Variants in SLC8B1 observed in about 807,000 individuals in gnomAD.
SLC8B1 encodes the protein mitochondrial sodium/calcium exchanger protein.
In SLC8B1, 52 loss-of-function variants were observed where a neutral mutation model predicts 63.4. The observed-to-expected ratio is 0.82, with a 90% CI of 0.66 to 1.03. The LOEUF is 1.03. SLC8B1 is among the 50% of genes least tolerant of loss of function. The probability of loss-of-function intolerance (pLI) is 0.00; values close to 1 mark genes in which losing one functional copy is unlikely to be tolerated. For missense variants in SLC8B1, 657 were observed against 741.7 expected (o/e 0.89, Z 1.33); for synonymous variants, 336 against 323.9 (o/e 1.04, Z -0.40).
chr12:113,332,963 G>A lies in SLC8B1; in HGVS notation c.-82-3C>T, dbSNP rs1957077511. The A allele has an allele frequency of 2.0e-6, 3 of 1,531,954 alleles. No individual in the cohort carries two copies. Among genetic ancestry groups the A allele is most frequent in the Non-Finnish European group, 2.6e-6 (3 of 1,135,274 alleles). 94.9% of individuals were successfully genotyped at this position (1,531,954 alleles called of 1,614,324 possible). On this transcript the variant is annotated splice_polypyrimidine_tract_variant and splice_region_variant and intron_variant, in intron 1 of 15. Coordinates refer to ENST00000680972, the MANE Select transcript of SLC8B1 (RefSeq NM_001358345.2). ...AAACAGCTGGCGGCTCCGGTGGCCT[G>A]CAAGGTGGGAGTGAGAAAGGGGGAC...
In SLC8B1 at chr12:113,318,976, G is replaced by A. The variant is rs1254192033; in HGVS notation, c.790C>T (p.Pro264Ser). ...QRRGSLFCPM[P>S]VTPEILSDSE... ...TGCAGACTCTTACCTGGAGTAACTG[G>A]CATGGGGCAGAACAGAGATCCTCTC... Residue 264 changes from proline to serine, a missense_variant, in exon 8 of 16, where the codon CCA becomes TCA. Transcript: ENST00000680972. The A allele has an allele frequency of 6.2e-7, 1 of 1,613,826 alleles. No homozygotes were observed.
At chr12:113,310,197 C>T (rs1446077048) in intron 12 of SLC8B1, 37 bp downstream of exon 12, 31 of 1,603,716 alleles carry the variant, frequency 1.9e-5, no homozygotes, top group Non-Finnish European at 2.6e-5. Flanking sequence ...ACATCAGCAT[C>T]CCTCCCCCCC....
At position 113,307,162 on chromosome 12, in the gene SLC8B1, C is replaced by CAGT. The variant is rs1294240419; in HGVS notation, c.1411+528_1411+529insACT. On this transcript the variant is annotated intron_variant, in intron 13 of 15. Coordinates refer to ENST00000680972, the MANE Select transcript of SLC8B1 (RefSeq NM_001358345.2). ...AAAAAAAAAAAAAAACTACGGCTAC[C>CAGT]AATTTTTCAAAGTCTCATCTGCTGG... 5.8e-5 allele frequency among the ~76,000 whole-genome samples: 7 copies of CAGT among 121,210 alleles called. No individual in the cohort carries two copies. The East Asian group carries it at 1.9e-3, about 33-fold the overall frequency. The allele number at this position is 121,210 out of a possible 152,430, so 79.5% of individuals were successfully genotyped here.
chr12:113,326,370 T>C (rs1445272708), intron 2 of SLC8B1, among the ~76,000 whole-genome samples: 1 of 152,164 alleles, frequency 6.6e-6, no homozygotes, highest in Non-Finnish European at 1.5e-5. Context: ...TTCTTTTTTA[T>C]TTACTTATTT....
At chr12:113,329,815 C>T (rs571187435) in intron 2 of SLC8B1, among the ~76,000 whole-genome samples, 4 of 152,314 alleles carry the variant, frequency 2.6e-5, no homozygotes, top group African/African-American at 9.6e-5. Context: ...TCCTCTTGTG[C>T]TCTAAAGCCT....
chr12:113,332,618 C>A (rs1957070862), intron 2 of SLC8B1, 105 bp downstream of exon 2: 1 of 1,346,636 alleles, frequency 7.4e-7, no homozygotes. Flanking sequence ...CCCGGTATAT[C>A]CCAGGCTGCG....
At position 113,299,963 on chromosome 12, in the gene SLC8B1, G is replaced by C. The variant is rs748511708; in HGVS notation, c.1569C>G (p.Asp523Glu). Residue 523 changes from aspartate (D) to glutamate (E), a missense_variant, in exon 16 of 16, where the codon GAC becomes GAG. Physicochemically the swap from Asp to Glu is conservative, Grantham distance 45 (BLOSUM62 2). Coordinates refer to ENST00000680972, the MANE Select transcript of SLC8B1 (RefSeq NM_001358345.2). ...RSHTEVKLEP[D>E]GLLVWVLAGA... Reference sequence around the variant, plus strand: ...CTGCCAGGACCCACACCAGCAGTCCGTCTGGCTCCAGCTGTGGAAGAATGA... The same window carrying C: ...CTGCCAGGACCCACACCAGCAGTCCCTCTGGCTCCAGCTGTGGAAGAATGA... 6.2e-7 allele frequency: 1 copy of C among 1,613,180 alleles called. No homozygotes were observed. Among genetic ancestry groups the C allele is most frequent in the South Asian group, 1.1e-5 (1 of 91,038 alleles).
rs1028350292 is a variant in SLC8B1 at position 113,316,852 on chromosome 12, C to A, written c.862+90G>T. 3.9e-6 allele frequency: 6 copies of A among 1,522,532 alleles called. No individual in the cohort carries two copies. In the African/African-American group the frequency reaches 8.2e-5, roughly 21 times the overall value. The allele number at this position is 1,522,532 out of a possible 1,614,324, so 94.3% of individuals were successfully genotyped here. ...GTGGGGCCGATTTGGAGCCTCATTC[C>A]TGGAGCCCAGGTCTTGGAGGGCCCC... On this transcript the variant is annotated intron_variant, in intron 9 of 15. Transcript: ENST00000680972.
At chr12:113,306,649 C>T (rs2136826981) in intron 13 of SLC8B1, 74 bp from the exon 14 acceptor site, 4 of 1,244,924 alleles carry the variant, frequency 3.2e-6, no homozygotes, top group South Asian at 1.2e-5. Context: ...CGCCTTCATT[C>T]TCACCCACGG....
At chr12:113,327,681 CAAAA>C (rs1190508653) in intron 2 of SLC8B1, among the ~76,000 whole-genome samples, 6 of 104,760 alleles carry the variant, frequency 5.7e-5, no homozygotes, top group Admixed American at 1.1e-4. Flanking sequence ...GACTCTGTCT[CAAAA>C]AAAAAAAAAA....
intron 14 of SLC8B1, among the ~76,000 whole-genome samples, chr12:113,306,066 CAAAAAAAAA>C (rs60824560): frequency 4.4e-4 from 8 of 18,090 alleles, no homozygotes; most frequent in Non-Finnish European, 6.1e-4. Context: ...CCCCACCCTG[CAAAAAAAAA>C]AAAAAAAAAA....
rs749623268 is a variant in SLC8B1 at position 113,299,714 on chromosome 12, C to G, written c.*63G>C. The G allele has an allele frequency of 1.3e-6, 2 of 1,548,752 alleles. No homozygotes were observed. Among genetic ancestry groups the G allele is most frequent in the South Asian group, 1.1e-5 (1 of 89,108 alleles). On this transcript the variant is annotated 3_prime_UTR_variant, in exon 16 of 16. Transcript: ENST00000680972. ...TGCAGAAATGCTCCGGTCCCTGGGC[C>G]TCCCCCGGCAGGAGGGGCGGGGCTC...
At chr12:113,317,061 G>A in intron 8 of SLC8B1, 60 bp from the exon 9 acceptor site, 1 of 1,465,212 alleles carries the variant, frequency 6.8e-7, no homozygotes, top group South Asian at 1.2e-5. Flanking sequence ...GGGCACACTG[G>A]GACAGAGCAG....
In SLC8B1 at chr12:113,299,768, CG is replaced by C. The variant is rs778822366; in HGVS notation, c.*8del. On this transcript the variant is annotated 3_prime_UTR_variant, in exon 16 of 16. Coordinates refer to ENST00000680972, the MANE Select transcript of SLC8B1 (RefSeq NM_001358345.2). ...CCTGCAGTGAGGCCACAGCACTAAG[CG>C]GCTTCAGTCACATGCTTTTCAGGTG... 4.3e-5 allele frequency: 69 copies of C among 1,613,604 alleles called. No individual in the cohort carries two copies. The highest frequency in any genetic ancestry group is 5.8e-5 in the Non-Finnish European group (68 of 1,179,832).
At chr12:113,314,276 A>G (rs1956803640) in intron 11 of SLC8B1, among the ~76,000 whole-genome samples, 1 of 152,198 alleles carries the variant, frequency 6.6e-6, no homozygotes, top group Non-Finnish European at 1.5e-5. Context: ...ATTCACAGGG[A>G]ATGTGGCAAG....
At position 113,321,275 on chromosome 12, in the gene SLC8B1, T is replaced by A. The variant is rs1286700003; in HGVS notation, c.230A>T (p.Asp77Val). The change falls in exon 3 of 16, where the codon GAT (aspartate) becomes GTT (valine). Residue 77 changes from aspartate (D) to valine (V), a missense_variant. Coordinates refer to ENST00000680972, the MANE Select transcript of SLC8B1 (RefSeq NM_001358345.2). Reference sequence around the variant, plus strand: ...TTCCAGGTAGTCCAGGTACCCCCCATCACTGTGGCAGTCAGGGTTGGTCCG... The same window carrying A: ...TTCCAGGTAGTCCAGGTACCCCCCAACACTGTGGCAGTCAGGGTTGGTCCG... The part of the protein sequence containing the change: ...FIRTNPDCHS[D>V]GGYLDYLEGI... 2.0e-5 allele frequency: 32 copies of A among 1,613,932 alleles called. No individual in the cohort carries two copies. Among genetic ancestry groups the A allele is most frequent in the Middle Eastern group, 3.3e-4 (2 of 6,084 alleles).
intron 2 of SLC8B1, among the ~76,000 whole-genome samples, chr12:113,326,481 C>A (rs2136863947): frequency 6.6e-6 from 1 of 152,148 alleles, no homozygotes; most frequent in Non-Finnish European, 1.5e-5. Context: ...TATTATCCTG[C>A]CTCAGCCTCT....
rs543343554 is a variant in SLC8B1 at position 113,300,657 on chromosome 12, C to T, written c.1558-683G>A. The stretch of plus-strand genomic sequence containing the variant: ...AGACGTGGCCCCAGAAGTTTCCAGA[C>T]GCAGAAACAGCAGGGAAAAGGAACC... On this transcript the variant is annotated intron_variant, in intron 15 of 15. Transcript: ENST00000680972. Among the ~76,000 whole-genome samples the T allele has an allele frequency of 1.3e-4, 20 of 152,300 alleles. No individual in the cohort carries two copies. In the East Asian group the frequency reaches 2.3e-3, roughly 18 times the overall value.
chr12:113,329,264 C>G (rs563378924), intron 2 of SLC8B1, among the ~76,000 whole-genome samples: 5 of 152,316 alleles, frequency 3.3e-5, no homozygotes, highest in East Asian at 3.9e-4. Context: ...TGCCCAGGAG[C>G]ACACAGCCCA....
Sources: gnomAD v4.1 joint callset for allele counts (sites outside exome capture counted in the v4.1 genomes callset) on GRCh38, gnomAD v4.1.1 for gene constraint, MANE v1.5 for transcripts, NCBI Gene and HGNC (gene_info 2026-07-23, HGNC 2026-07-21) for gene names.